Variants in CUBN observed in about 807,000 individuals in gnomAD.
The protein encoded by CUBN is 460 kDa receptor.
In CUBN, 282 loss-of-function variants were observed where a neutral mutation model predicts 405.3. The ratio of observed to expected loss-of-function variants is 0.70; its 90% confidence interval spans 0.63 to 0.77. The LOEUF (loss-of-function observed/expected upper bound fraction) is 0.77, where lower values mean the gene tolerates loss of function less well. CUBN is among the 30% of genes least tolerant of loss of function. The probability of loss-of-function intolerance (pLI) is 0.00; values close to 1 mark genes in which losing one functional copy is unlikely to be tolerated. For missense variants in CUBN, 4,514 were observed against 4,475.2 expected, an observed-to-expected ratio of 1.01 and a Z score of -0.25; for synonymous variants, 1,684 against 1,617.0, an observed-to-expected ratio of 1.04 and a Z score of -0.99.
At chr10:16,924,474 T>C (rs1842123905) in intron 43 of CUBN, among the ~76,000 whole-genome samples, 3 of 152,166 alleles carry the variant, frequency 2.0e-5, no homozygotes. Flanking sequence ...TTAAATCTCA[T>C]ACAATGTGCA....
chr10:16,969,738 T>C (rs1247712512), intron 31 of CUBN, among the ~76,000 whole-genome samples: 1 of 152,114 alleles, frequency 6.6e-6, no homozygotes, highest in Non-Finnish European at 1.5e-5. Context: ...TAATGGCTGT[T>C]ACATGTGGGC....
intron 27 of CUBN, among the ~76,000 whole-genome samples, chr10:17,032,403 CT>C (rs1366551918): frequency 6.6e-6 from 1 of 152,206 alleles, no homozygotes; most frequent in African/African-American, 2.4e-5. Context: ...AGAGCCCACA[CT>C]GTATTCGTGC....
At chr10:16,938,489 A>G (rs1842576337) in intron 38 of CUBN, among the ~76,000 whole-genome samples, 1 of 152,190 alleles carries the variant, frequency 6.6e-6, no homozygotes, top group African/African-American at 2.4e-5. Flanking sequence ...TCTATTCATG[A>G]CCAAGAATCC....
At chr10:16,971,736 T>G (rs1832941840) in intron 31 of CUBN, among the ~76,000 whole-genome samples, 1 of 152,198 alleles carries the variant, frequency 6.6e-6, no homozygotes, top group African/African-American at 2.4e-5. Context: ...TTTTCTCTAC[T>G]GTTCGCCTGG....
intron 28 of CUBN, among the ~76,000 whole-genome samples, chr10:17,009,927 A>G (rs1220047826): frequency 2.0e-5 from 3 of 152,208 alleles, no homozygotes; most frequent in Non-Finnish European, 2.9e-5. Context: ...ACATCTCAGA[A>G]GGATTCTCCA....
intron 56 of CUBN, among the ~76,000 whole-genome samples, chr10:16,880,704 T>A (rs1421471002): frequency 1.3e-5 from 2 of 152,238 alleles, no homozygotes; most frequent in African/African-American, 4.8e-5. Flanking sequence ...TTACCACACA[T>A]TCTTAAATCA....
chr10:17,102,851 C>T (rs1168388967), intron 13 of CUBN, among the ~76,000 whole-genome samples: 3 of 151,994 alleles, frequency 2.0e-5, no homozygotes, highest in Non-Finnish European at 4.4e-5. Flanking sequence ...CTCCTGACCT[C>T]AGGTGATGCA....
intron 27 of CUBN, among the ~76,000 whole-genome samples, chr10:17,021,502 T>C (rs1403058869): frequency 6.6e-6 from 1 of 152,190 alleles, no homozygotes; most frequent in African/African-American, 2.4e-5. Flanking sequence ...TACCTGGTAA[T>C]GGACTCATGG....
At chr10:17,044,663 T>G (rs1588607392) in intron 25 of CUBN, among the ~76,000 whole-genome samples, 1 of 152,206 alleles carries the variant, frequency 6.6e-6, no homozygotes, top group South Asian at 2.1e-4. Context: ...TCATATTATC[T>G]TCTCTACTTC....
intron 1 of CUBN, 127 bp from the exon 2 acceptor site, chr10:17,129,377 A>G: frequency 1.8e-6 from 2 of 1,135,824 alleles, no homozygotes; most frequent in Non-Finnish European, 2.6e-6. Context: ...TCTCAACCCA[A>G]CTGCCCCTGC....
chr10:16,924,340 GA>G (rs1842121220), intron 43 of CUBN, among the ~76,000 whole-genome samples: 5 of 152,136 alleles, frequency 3.3e-5, no homozygotes, highest in Admixed American at 1.3e-4. Context: ...AGAGCTCTGG[GA>G]AGTGACCAAA....
At chr10:17,038,094 G>A (rs1485816627) in intron 27 of CUBN, among the ~76,000 whole-genome samples, 2 of 151,862 alleles carry the variant, frequency 1.3e-5, no homozygotes, top group African/African-American at 2.4e-5. Flanking sequence ...CTGAGCCACC[G>A]TGCCCAGCCA....
chr10:17,076,029 G>T (rs906879631), intron 17 of CUBN, among the ~76,000 whole-genome samples: 1 of 152,056 alleles, frequency 6.6e-6, no homozygotes, highest in African/African-American at 2.4e-5. Flanking sequence ...ATCCTCCAGG[G>T]TTCTATTTGC....
intron 62 of CUBN, among the ~76,000 whole-genome samples, chr10:16,836,873 G>A (rs1267128623): frequency 2.0e-5 from 3 of 152,132 alleles, no homozygotes; most frequent in African/African-American, 2.4e-5. Context: ...ATGAGGTACC[G>A]GTTCCCCTTT....
intron 17 of CUBN, among the ~76,000 whole-genome samples, chr10:17,078,140 C>A (rs752867096): frequency 1.3e-5 from 2 of 152,036 alleles, no homozygotes; most frequent in Non-Finnish European, 2.9e-5. Context: ...GTGTGACAGG[C>A]ACAATGTGAC....
intron 55 of CUBN, among the ~76,000 whole-genome samples, chr10:16,889,615 G>C (rs1173654623): frequency 6.6e-6 from 1 of 152,120 alleles, no homozygotes; most frequent in Non-Finnish European, 1.5e-5. Context: ...GTTAAAACAT[G>C]CAAGACCGGC....
chr10:17,047,082 G>A (rs953276254), intron 23 of CUBN, among the ~76,000 whole-genome samples: 7 of 151,962 alleles, frequency 4.6e-5, no homozygotes, highest in South Asian at 2.1e-4. Context: ...AATTTACATC[G>A]ATTTTACATA....
intron 40 of CUBN, among the ~76,000 whole-genome samples, chr10:16,931,032 A>G (rs781294494): frequency 9.2e-5 from 14 of 152,106 alleles, no homozygotes; most frequent in Middle Eastern, 6.8e-3. Flanking sequence ...CAAGGTGGGC[A>G]GATCACGAGG....
At position 16,838,667 on chromosome 10, in the gene CUBN, C is replaced by A. The variant is rs183175264; in HGVS notation, c.10032+1663G>T. Among the ~76,000 whole-genome samples the A allele has an allele frequency of 2.8e-4, 43 of 152,270 alleles. 1 individual carries two copies. Among genetic ancestry groups the A allele is most frequent in the Middle Eastern group, 3.4e-3 (1 of 294 alleles). On this transcript the variant is annotated intron_variant, in intron 62 of 66. Coordinates refer to ENST00000377833, the MANE Select transcript of CUBN (RefSeq NM_001081.4). ...GATTTTGTTGTTGTTGTTGTTGAGA[C>A]GAAGTCTCACTCTGTCACCCAGGCT... is the stretch of plus-strand genomic sequence containing the variant.
Sources: allele counts gnomAD v4.1 joint callset (sites outside exome capture counted in the v4.1 genomes callset), GRCh38; gene constraint gnomAD v4.1.1; transcripts MANE v1.5; gene names NCBI Gene and HGNC (gene_info 2026-07-23, HGNC 2026-07-21).